CAPZA2: variants seen among roughly 807,000 people sequenced by gnomAD.
The protein encoded by CAPZA2 is F-actin-capping protein subunit alpha-2.
In CAPZA2, 13 loss-of-function variants were observed where a neutral mutation model predicts 44.0. That is an observed-to-expected ratio of 0.30 (90% CI 0.19 to 0.47). The LOEUF is 0.47. Among genes scored for constraint, CAPZA2 ranks in the 20% least tolerant of loss-of-function variants. The pLI is 1.00. For missense variants in CAPZA2, 244 were observed against 338.6 expected (o/e 0.72, Z 2.19); for synonymous variants, 94 against 108.2 (o/e 0.87, Z 0.81).
At chr7:116,875,769 G>T (rs959294664) in intron 1 of CAPZA2, 3 of 151,174 alleles carry the variant, frequency 2.0e-5, no homozygotes, top group African/African-American at 7.3e-5. Flanking sequence ...TGACCAGGCT[G>T]GACTCAAGTG....
At chr7:116,894,856 T>G (rs959407522) in intron 3 of CAPZA2, among the ~76,000 whole-genome samples, 1 of 152,198 alleles carries the variant, frequency 6.6e-6, no homozygotes, top group African/African-American at 2.4e-5. Context: ...GCTAATAATA[T>G]TCTGTTGTAT....
intron 1 of CAPZA2, among the ~76,000 whole-genome samples, chr7:116,878,274 C>T (rs1386021708): frequency 6.6e-6 from 1 of 152,136 alleles, no homozygotes; most frequent in Non-Finnish European, 1.5e-5. Flanking sequence ...TTTTGTTCCT[C>T]ACAAAAGAAT....
intron 1 of CAPZA2, among the ~76,000 whole-genome samples, chr7:116,867,075 C>T (rs1489139609): frequency 1.3e-5 from 2 of 152,126 alleles, no homozygotes; most frequent in Non-Finnish European, 2.9e-5. Flanking sequence ...TCACTTCCAT[C>T]GTCAAAATAT....
At chr7:116,906,973 G>T (rs545320872) in intron 6 of CAPZA2, among the ~76,000 whole-genome samples, 1 of 152,096 alleles carries the variant, frequency 6.6e-6, no homozygotes, top group Non-Finnish European at 1.5e-5. Flanking sequence ...AAATTCTGAG[G>T]TTCTTTAAGA....
intron 8 of CAPZA2, 131 bp downstream of exon 8, chr7:116,912,271 T>C: frequency 7.2e-7 from 1 of 1,389,776 alleles, no homozygotes; most frequent in Non-Finnish European, 9.5e-7. Context: ...AGATAAGTAA[T>C]TGCAAACCTG....
intron 1 of CAPZA2, among the ~76,000 whole-genome samples, chr7:116,868,179 A>G (rs773505691): frequency 2.6e-5 from 4 of 151,998 alleles, no homozygotes; most frequent in Admixed American, 6.6e-5. Context: ...TCTCATCTGA[A>G]CTCTTCAAGA....
intron 6 of CAPZA2, chr7:116,906,690 A>G (rs904940466): frequency 3.3e-5 from 6 of 180,806 alleles, no homozygotes; most frequent in Non-Finnish European, 5.7e-5. Flanking sequence ...AGATAATTAT[A>G]GAACAAAAAA....
At chr7:116,873,018 A>G (rs181500796) in intron 1 of CAPZA2, among the ~76,000 whole-genome samples, 185 of 152,236 alleles carry the variant, frequency 1.2e-3, no homozygotes, top group South Asian at 1.7e-3. Flanking sequence ...ATTTTTTCCA[A>G]GCTTTCCAGG....
At chr7:116,913,555 T>A (rs1189311286) in intron 8 of CAPZA2, among the ~76,000 whole-genome samples, 1 of 152,166 alleles carries the variant, frequency 6.6e-6, no homozygotes, top group African/African-American at 2.4e-5. Context: ...CACAGAATTC[T>A]TTCACACATT....
chr7:116,898,325 A>T (rs1409058665), intron 3 of CAPZA2, among the ~76,000 whole-genome samples: 1 of 150,632 alleles, frequency 6.6e-6, no homozygotes, highest in Non-Finnish European at 1.5e-5. Flanking sequence ...ACTATGCTTC[A>T]TACTTTGTGT....
At chr7:116,862,966 C>G (rs1796436854) in intron 1 of CAPZA2, among the ~76,000 whole-genome samples, 1 of 152,050 alleles carries the variant, frequency 6.6e-6, no homozygotes, top group African/African-American at 2.4e-5. Flanking sequence ...CCAGGACCCT[C>G]TCCTGCTGTC....
chr7:116,916,063 G>A lies in CAPZA2; in HGVS notation c.661G>A (p.Glu221Lys). Residue 221 changes from glutamate (E) to lysine (K), a missense_variant, in exon 9 of 10, where the codon GAA becomes AAA. By Grantham distance (56) the Glu-to-Lys change is moderately conservative. Transcript: ENST00000361183. ...ATTTTGTTTTTTTTTTTTTCAGAAT[G>A]AAGTGCAAACAGCAAAAGAATTTAT... is the stretch of plus-strand genomic sequence containing the variant. ...DIQDSLTVSN[E>K]VQTAKEFIKI... 2 of 1,415,010 alleles carry A rather than the reference G, an allele frequency of 1.4e-6. No homozygotes were observed. The highest frequency in any genetic ancestry group is 1.9e-6 in the Non-Finnish European group (2 of 1,057,826). The allele number at this position is 1,415,010 out of a possible 1,614,324, so 87.7% of individuals were successfully genotyped here.
chr7:116,888,005 CTG>C, intron 1 of CAPZA2, 120 bp from the exon 2 acceptor site: 1 of 644,810 alleles, frequency 1.6e-6, no homozygotes, highest in Non-Finnish European at 2.7e-6. Context: ...AAAAGTATCA[CTG>C]TATTTAAAAT....
chr7:116,916,134 T>A lies in CAPZA2; in HGVS notation c.720+12T>A, dbSNP rs1031052972. ...AAAATGAATACCAGGTATGATTTTT[T>A]AAATATTATATAAGCTACACTCACA... On this transcript the variant is annotated intron_variant, in intron 9 of 9. Transcript: ENST00000361183. 2.6e-6 allele frequency: 4 copies of A among 1,531,830 alleles called. No homozygotes were observed. Among genetic ancestry groups the A allele is most frequent in the Middle Eastern group, 1.8e-4 (1 of 5,594 alleles). 94.9% of individuals were successfully genotyped at this position (1,531,830 alleles called of 1,614,324 possible).
At chr7:116,878,161 G>A (rs1348201217) in intron 1 of CAPZA2, among the ~76,000 whole-genome samples, 3 of 152,206 alleles carry the variant, frequency 2.0e-5, no homozygotes, top group Non-Finnish European at 4.4e-5. Context: ...GTTAGAAAAA[G>A]GATAGGATCT....
chr7:116,896,866 AACT>A (rs1796934753), intron 3 of CAPZA2, among the ~76,000 whole-genome samples: 2 of 152,090 alleles, frequency 1.3e-5, no homozygotes, highest in Admixed American at 1.3e-4. Context: ...ATCTGGTCCA[AACT>A]ACTGTTTTTG....
intron 3 of CAPZA2, among the ~76,000 whole-genome samples, chr7:116,897,646 G>A (rs1796944681): frequency 6.6e-6 from 1 of 152,050 alleles, no homozygotes; most frequent in Non-Finnish European, 1.5e-5. Context: ...TTAAGTGACA[G>A]TGATTTCCCA....
chr7:116,878,034 G>A (rs897191927), intron 1 of CAPZA2, among the ~76,000 whole-genome samples: 3 of 152,164 alleles, frequency 2.0e-5, no homozygotes, highest in Admixed American at 6.5e-5. Context: ...AGAGAAGTGC[G>A]GAATGATTTC....
Position 116,904,161 on chromosome 7 carries a change from C to T in CAPZA2, c.220-16C>T. The T allele has an allele frequency of 1.3e-6, 2 of 1,504,856 alleles. No individual in the cohort carries two copies. Among genetic ancestry groups the T allele is most frequent in the Non-Finnish European group, 1.8e-6 (2 of 1,095,202 alleles). The allele number at this position is 1,504,856 out of a possible 1,614,324, so 93.2% of individuals were successfully genotyped here. A position where few individuals can be genotyped will look rare whatever the true frequency, so the allele number is the denominator to read the frequency against. On this transcript the variant is annotated splice_polypyrimidine_tract_variant and intron_variant, in intron 4 of 9. Coordinates refer to ENST00000361183, the MANE Select transcript of CAPZA2 (RefSeq NM_006136.3). Reference sequence around the variant, plus strand: ...TGTTTTTTTATTTTTTTTCTAAATTCATTCCATCATCAAAGGTATTGATAA... The same window carrying T: ...TGTTTTTTTATTTTTTTTCTAAATTTATTCCATCATCAAAGGTATTGATAA...
Sources: gnomAD v4.1 joint callset for allele counts (sites outside exome capture counted in the v4.1 genomes callset) on GRCh38, gnomAD v4.1.1 for gene constraint, MANE v1.5 for transcripts, NCBI Gene and HGNC (gene_info 2026-07-23, HGNC 2026-07-21) for gene names.